ATP13A4: variants seen among roughly 807,000 people sequenced by gnomAD.
ATP13A4 encodes probable cation-transporting ATPase 13A4.
In ATP13A4, 114 loss-of-function variants were observed where a neutral mutation model predicts 142.5. The ratio of observed to expected loss-of-function variants is 0.80; its 90% CI spans 0.69 to 0.93. The LOEUF is 0.93. ATP13A4 is among the 40% of genes least tolerant of loss of function. The probability of loss-of-function intolerance (pLI) is 0.00; values close to 1 mark genes in which losing one functional copy is unlikely to be tolerated. For missense variants in ATP13A4, 1,392 were observed against 1,454.0 expected (o/e 0.96, Z 0.69); for synonymous variants, 488 against 514.8 (o/e 0.95, Z 0.70).
chr3:193,484,958 C>T (rs1407233790), intron 7 of ATP13A4, among the ~76,000 whole-genome samples: 1 of 151,874 alleles, frequency 6.6e-6, no homozygotes, highest in African/African-American at 2.4e-5. Context: ...GAAGAAGTGA[C>T]ATTGAACCTA....
intron 2 of ATP13A4, among the ~76,000 whole-genome samples, chr3:193,510,000 A>C (rs1218638876): frequency 6.6e-6 from 1 of 152,214 alleles, no homozygotes; most frequent in Non-Finnish European, 1.5e-5. Context: ...GAATGAATGC[A>C]TGCATGAATG....
chr3:193,455,014 C>T (rs1560198871), intron 16 of ATP13A4, among the ~76,000 whole-genome samples: 1 of 151,808 alleles, frequency 6.6e-6, no homozygotes, highest in Non-Finnish European at 1.5e-5. Flanking sequence ...AGAACATTTA[C>T]AAAAAGAAAA....
chr3:193,474,701 G>T (rs9823239), intron 8 of ATP13A4, among the ~76,000 whole-genome samples: 67,576 of 144,294 alleles, frequency 0.47, 15,423 homozygotes, highest in African/African-American at 0.52. Context: ...AAAGAAAAAA[G>T]GAAGGAAGGA....
At chr3:193,450,733 A>G (rs1235605316) in intron 17 of ATP13A4, among the ~76,000 whole-genome samples, 2 of 152,174 alleles carry the variant, frequency 1.3e-5, no homozygotes, top group Non-Finnish European at 2.9e-5. Context: ...GTTCCAAGCT[A>G]GGAAATCTGG....
chr3:193,512,732 T>A (rs1234900964), intron 2 of ATP13A4, among the ~76,000 whole-genome samples: 1 of 152,158 alleles, frequency 6.6e-6, no homozygotes, highest in Non-Finnish European at 1.5e-5. Context: ...CTAAGTACAG[T>A]GCAATGGAAA....
intron 26 of ATP13A4, among the ~76,000 whole-genome samples, chr3:193,413,338 T>C (rs1179452209): frequency 1.3e-5 from 2 of 152,236 alleles, no homozygotes; most frequent in Admixed American, 6.5e-5. Context: ...GGACCACTAT[T>C]GTACAAATTG....
intron 9 of ATP13A4, among the ~76,000 whole-genome samples, chr3:193,470,170 A>G (rs1333818206): frequency 6.6e-6 from 1 of 152,204 alleles, no homozygotes; most frequent in Admixed American, 6.5e-5. Context: ...TCTTACAGCA[A>G]TGTCAGCCAA....
chr3:193,471,777 C>A (rs9882425), intron 8 of ATP13A4, among the ~76,000 whole-genome samples: 94 of 152,324 alleles, frequency 6.2e-4, no homozygotes, highest in African/African-American at 2.1e-3. Flanking sequence ...TTCTTCCCTG[C>A]TTCCTGATTG....
At chr3:193,549,554 G>T (rs1723427195) in intron 1 of ATP13A4, among the ~76,000 whole-genome samples, 2 of 152,110 alleles carry the variant, frequency 1.3e-5, no homozygotes, top group Admixed American at 1.3e-4. Context: ...TATTGGCCAG[G>T]TGTGGATGCT....
chr3:193,406,138 G>A (rs1714479403), intron 29 of ATP13A4, among the ~76,000 whole-genome samples: 1 of 152,200 alleles, frequency 6.6e-6, no homozygotes, highest in African/African-American at 2.4e-5. Flanking sequence ...ACTGCGGGTA[G>A]GGCTGGGCAA....
rs187580127 is a variant in ATP13A4 at position 193,403,992 on chromosome 3, A to G, written c.3379-1128T>C. On this transcript the variant is annotated intron_variant, in intron 29 of 29. Coordinates refer to ENST00000342695, the MANE Select transcript of ATP13A4 (RefSeq NM_032279.4). ...CACTGCCCATGAAAGGATAGAGAAC[A>G]GCCAGTCTGCATTATTCCTGTGATA... The G allele has an allele frequency of 1.8e-4, 175 of 985,460 alleles. No individual in the cohort carries two copies. In the African/African-American group the frequency reaches 2.9e-3, roughly 17 times the overall value. The allele number at this position is 985,460 out of a possible 1,614,324, so 61.0% of individuals were successfully genotyped here.
At chr3:193,567,953 T>C (rs1026762137) in intron 2 of ATP13A4, among the ~76,000 whole-genome samples, 3 of 150,462 alleles carry the variant, frequency 2.0e-5, no homozygotes, top group Non-Finnish European at 4.4e-5. Context: ...ACTTTCTTTC[T>C]TTTCTTTTCT....
chr3:193,591,238 T>C (rs1292619090), intron 1 of ATP13A4, among the ~76,000 whole-genome samples: 1 of 152,216 alleles, frequency 6.6e-6, no homozygotes, highest in Admixed American at 6.5e-5. Flanking sequence ...TTTCACCATA[T>C]TGGCCAGGCT....
chr3:193,571,036 G>C (rs994058843), intron 2 of ATP13A4, among the ~76,000 whole-genome samples: 1 of 152,122 alleles, frequency 6.6e-6, no homozygotes, highest in Admixed American at 6.5e-5. Flanking sequence ...CCAGCACTTT[G>C]GGAAGCCAAG....
At chr3:193,415,086 T>C (rs35523874) in intron 25 of ATP13A4, among the ~76,000 whole-genome samples, 2,659 of 152,292 alleles carry the variant, frequency 0.017, 42 homozygotes, top group South Asian at 0.039. Context: ...TGGCAATAAA[T>C]GTGAAGAGAC....
At chr3:193,530,200 T>G (rs1007201160) in intron 1 of ATP13A4, among the ~76,000 whole-genome samples, 4 of 150,808 alleles carry the variant, frequency 2.7e-5, no homozygotes, top group East Asian at 1.9e-4. Flanking sequence ...TCCAAGTGGG[T>G]TTTTTTTTCG....
intron 2 of ATP13A4, among the ~76,000 whole-genome samples, chr3:193,571,389 T>C (rs1000598572): frequency 6.6e-6 from 1 of 152,254 alleles, no homozygotes; most frequent in East Asian, 1.9e-4. Context: ...AGATAACTTA[T>C]GCACACAGGG....
intron 1 of ATP13A4, among the ~76,000 whole-genome samples, chr3:193,550,423 G>T (rs959529828): frequency 6.7e-6 from 1 of 150,182 alleles, no homozygotes; most frequent in Non-Finnish European, 1.5e-5. Flanking sequence ...CTTCCCACCT[G>T]AGCCTCTCAA....
intron 1 of ATP13A4, among the ~76,000 whole-genome samples, chr3:193,588,380 C>G (rs570995975): frequency 6.6e-6 from 1 of 152,164 alleles, no homozygotes; most frequent in Non-Finnish European, 1.5e-5. Context: ...CATTATCATC[C>G]CCTTGTAATC....
Sources: gnomAD v4.1 joint callset for allele counts (sites outside exome capture counted in the v4.1 genomes callset) on GRCh38, gnomAD v4.1.1 for gene constraint, MANE v1.5 for transcripts, NCBI Gene and HGNC (gene_info 2026-07-23, HGNC 2026-07-21) for gene names.